Variants in PSMD12 observed in about 807,000 individuals in gnomAD.
PSMD12 encodes the protein proteasome 26S subunit, non-ATPase 12.
PSMD12 carries 8 observed loss-of-function variants against 62.9 expected under a neutral mutation model. The ratio of observed to expected loss-of-function variants is 0.13; its 90% confidence interval spans 0.07 to 0.23. The LOEUF (loss-of-function observed/expected upper bound fraction) is 0.23. Among genes scored for constraint, PSMD12 ranks in the 10% least tolerant of loss-of-function variants. The probability of loss-of-function intolerance (pLI) is 1.00; values close to 1 mark genes in which losing one functional copy is unlikely to be tolerated. For synonymous variants in PSMD12, 173 were observed against 187.4 expected, an observed-to-expected ratio of 0.92 and a Z score of 0.63; for missense variants, 424 against 550.2, an observed-to-expected ratio of 0.77 and a Z score of 2.29.
intron 1 of PSMD12, among the ~76,000 whole-genome samples, chr17:67,362,342 G>A (rs149836106): frequency 5.3e-4 from 80 of 152,316 alleles, no homozygotes; most frequent in African/African-American, 1.9e-3. Flanking sequence ...GACACAGGGT[G>A]CTTACACACC....
In PSMD12 at chr17:67,342,166, C is replaced by G. The variant is rs747894037; in HGVS notation, c.1161+20G>C. The G allele has an allele frequency of 1.3e-6, 2 of 1,511,730 alleles. No individual in the cohort carries two copies. The highest frequency in any genetic ancestry group is 1.8e-6 in the Non-Finnish European group (2 of 1,096,260). 93.6% of individuals were successfully genotyped at this position (1,511,730 alleles called of 1,614,324 possible). On this transcript the variant is annotated intron_variant, in intron 10 of 10. Coordinates refer to ENST00000356126, the MANE Select transcript of PSMD12 (RefSeq NM_002816.5). ...TCAAAAGGAATGCCTACAAATAACT[C>G]AAAGTTGATTACTACTTACATCAAC...
chr17:67,349,500 A>G (rs1350756136), intron 4 of PSMD12, among the ~76,000 whole-genome samples: 2 of 152,240 alleles, frequency 1.3e-5, no homozygotes, highest in Non-Finnish European at 2.9e-5. Flanking sequence ...GAACCTAAAT[A>G]TGAAATTACT....
chr17:67,341,521 A>C (rs1022957208), intron 10 of PSMD12, among the ~76,000 whole-genome samples: 6 of 151,174 alleles, frequency 4.0e-5, no homozygotes, highest in Non-Finnish European at 8.8e-5. Context: ...ACTTCCTATA[A>C]TAAGTACTTA....
At chr17:67,349,186 A>G (rs1274810115) in intron 4 of PSMD12, among the ~76,000 whole-genome samples, 1 of 151,956 alleles carries the variant, frequency 6.6e-6, no homozygotes, top group Non-Finnish European at 1.5e-5. Flanking sequence ...CGCCCAGCTA[A>G]TTTTGTATTT....
At chr17:67,346,506 A>G (rs1375803226) in intron 7 of PSMD12, among the ~76,000 whole-genome samples, 1 of 152,160 alleles carries the variant, frequency 6.6e-6, no homozygotes, top group African/African-American at 2.4e-5. Context: ...CGGAGGTTGC[A>G]GTGAGCCAAG....
chr17:67,359,784 T>G (rs2042112960), intron 1 of PSMD12, among the ~76,000 whole-genome samples: 1 of 152,140 alleles, frequency 6.6e-6, no homozygotes, highest in Admixed American at 6.6e-5. Context: ...TCTCTGAAAG[T>G]TCTATAGATT....
At chr17:67,356,668 A>C (rs1166072803) in intron 3 of PSMD12, among the ~76,000 whole-genome samples, 2 of 151,850 alleles carry the variant, frequency 1.3e-5, no homozygotes, top group Non-Finnish European at 2.9e-5. Flanking sequence ...GATATGACTA[A>C]ATAAAATGAG....
intron 3 of PSMD12, among the ~76,000 whole-genome samples, chr17:67,355,952 A>C (rs1795238023): frequency 6.7e-6 from 1 of 150,266 alleles, no homozygotes; most frequent in African/African-American, 2.5e-5. Flanking sequence ...ATGTAGTGAG[A>C]CCCAAGCCCC....
At chr17:67,347,573 C>T in intron 5 of PSMD12, 88 bp from the exon 6 acceptor site, 2 of 1,308,490 alleles carry the variant, frequency 1.5e-6, no homozygotes, top group Non-Finnish European at 2.1e-6. Context: ...AATATTCATC[C>T]TTGTTAAATA....
chr17:67,366,373 C>G lies in PSMD12; in HGVS notation c.108+39G>C, dbSNP rs751073327. ...AAGCAGGCTCCGCGCCGTGACTCAGCCCCTGGCGCCCGCCAACAGCCAGCC... is the reference window on the plus strand; with the variant it reads ...AAGCAGGCTCCGCGCCGTGACTCAGGCCCTGGCGCCCGCCAACAGCCAGCC... On this transcript the variant is annotated intron_variant, in intron 1 of 10. Transcript: ENST00000356126. 10 of 1,572,424 alleles carry G rather than the reference C, an allele frequency of 6.4e-6. No individual in the cohort carries two copies. In the South Asian group the frequency reaches 7.9e-5, roughly 12 times the overall value.
chr17:67,348,178 G>A (rs1242691481), intron 5 of PSMD12, among the ~76,000 whole-genome samples: 1 of 152,166 alleles, frequency 6.6e-6, no homozygotes, highest in East Asian at 1.9e-4. Flanking sequence ...AAGCATATGT[G>A]TAACTTTATA....
intron 1 of PSMD12, among the ~76,000 whole-genome samples, chr17:67,358,059 C>G (rs1027257394): frequency 1.3e-5 from 2 of 152,070 alleles, no homozygotes; most frequent in Non-Finnish European, 2.9e-5. Context: ...GCAGGTGGGA[C>G]TACAGGAGTG....
In PSMD12 at chr17:67,350,229, C is replaced by A; in HGVS notation, c.405G>T (p.Lys135Asn). The A allele has an allele frequency of 6.3e-7, 1 of 1,593,338 alleles. No individual in the cohort carries two copies. Among genetic ancestry groups the A allele is most frequent in the Non-Finnish European group, 8.6e-7 (1 of 1,169,042 alleles). The stretch of plus-strand genomic sequence containing the variant: ...TGAGTTATGTCAACAGAAAATTTAC[C>A]TTGCCTTCGGTAACCATTCGTAGAG... ...IDTLRMVTEGKIYVEIERARL... is the reference protein window; with the variant it reads ...IDTLRMVTEGNIYVEIERARL... The change falls in exon 4 of 11, where the codon AAG becomes AAT. Residue 135 changes from lysine to asparagine, a missense_variant and splice_region_variant. Lys to Asn is a moderately conservative substitution (Grantham distance 94). Transcript: ENST00000356126.
chr17:67,338,065 T>C lies in PSMD12; in HGVS notation c.*2778A>G, dbSNP rs1425531180. On this transcript the variant is annotated 3_prime_UTR_variant, in exon 11 of 11. Transcript: ENST00000356126. Reference sequence around the variant, plus strand: ...CTTACAAGAGAGAAAATGGAACTGTTTGAATTTTAAAGATGTTTTTCAGAT... The same window carrying C: ...CTTACAAGAGAGAAAATGGAACTGTCTGAATTTTAAAGATGTTTTTCAGAT... 3.3e-5 allele frequency: 5 copies of C among 152,204 alleles called. No homozygotes were observed. The highest frequency in any genetic ancestry group is 7.3e-5 in the Non-Finnish European group (5 of 68,038). 9.4% of individuals were successfully genotyped at this position (152,204 alleles called of 1,614,324 possible).
intron 10 of PSMD12, 41 bp from the exon 11 acceptor site, chr17:67,341,093 T>C (rs760153514): frequency 1.4e-6 from 2 of 1,426,804 alleles, no homozygotes; most frequent in Non-Finnish European, 1.9e-6. Flanking sequence ...ACAGGATAAA[T>C]TACAGACAAT....
intron 1 of PSMD12, among the ~76,000 whole-genome samples, chr17:67,365,879 C>T (rs1433288938): frequency 6.6e-6 from 1 of 152,120 alleles, no homozygotes; most frequent in Non-Finnish European, 1.5e-5. Context: ...GTATGGCCCT[C>T]ACCACCATGC....
At chr17:67,348,281 G>A (rs2041986596) in intron 5 of PSMD12, among the ~76,000 whole-genome samples, 1 of 152,166 alleles carries the variant, frequency 6.6e-6, no homozygotes, top group African/African-American at 2.4e-5. Context: ...ATCCCCACCA[G>A]CAATGAGTAT....
intron 3 of PSMD12, among the ~76,000 whole-genome samples, chr17:67,353,371 A>T (rs1248495682): frequency 6.8e-6 from 1 of 147,612 alleles, no homozygotes; most frequent in Non-Finnish European, 1.5e-5. Flanking sequence ...CTAGAGTGCG[A>T]TCTTGGCTCA....
At position 67,360,731 on chromosome 17, in the gene PSMD12, G is replaced by C. The variant is rs566796945; in HGVS notation, c.109-3153C>G. 1.2e-3 allele frequency among the ~76,000 whole-genome samples: 179 copies of C among 152,248 alleles called. 3 individuals carry two copies. In the South Asian group the frequency reaches 0.026, roughly 23 times the overall value. Reference sequence around the variant, plus strand: ...TTTAGGGCTGGATCCTCGTTTACTTGTCACTTCTCTTTGCACCAACCTCCA... The same window carrying C: ...TTTAGGGCTGGATCCTCGTTTACTTCTCACTTCTCTTTGCACCAACCTCCA... On this transcript the variant is annotated intron_variant, in intron 1 of 10. Coordinates refer to ENST00000356126, the MANE Select transcript of PSMD12 (RefSeq NM_002816.5).
Sources: allele counts gnomAD v4.1 joint callset (sites outside exome capture counted in the v4.1 genomes callset), GRCh38; gene constraint gnomAD v4.1.1; transcripts MANE v1.5; gene names NCBI Gene and HGNC (gene_info 2026-07-23, HGNC 2026-07-21).